Variants in GABRB1 observed in about 807,000 individuals in gnomAD.
GABRB1 encodes gamma-aminobutyric acid receptor subunit beta-1.
GABRB1 carries 17 observed loss-of-function variants against 51.6 expected under a neutral mutation model. That is an observed-to-expected ratio of 0.33 (90% CI 0.23 to 0.49). GABRB1 has a LOEUF of 0.49. Ranked by LOEUF, GABRB1 falls within the 20% of genes least tolerant of loss-of-function variation. The probability of loss-of-function intolerance (pLI) is 0.99; values close to 1 mark genes in which losing one functional copy is unlikely to be tolerated. For missense variants in GABRB1, 410 were observed against 600.6 expected, an observed-to-expected ratio of 0.68 and a Z score of 3.32; for synonymous variants, 247 against 218.9, an observed-to-expected ratio of 1.13 and a Z score of -1.14.
At chr4:47,195,332 A>G (rs1157926004) in intron 4 of GABRB1, among the ~76,000 whole-genome samples, 1 of 151,986 alleles carries the variant, frequency 6.6e-6, no homozygotes, top group Non-Finnish European at 1.5e-5. Flanking sequence ...ATGCCACTGC[A>G]CTCCAGCCTG....
intron 5 of GABRB1, among the ~76,000 whole-genome samples, chr4:47,322,908 G>T (rs748260712): frequency 2.0e-5 from 3 of 152,144 alleles, no homozygotes; most frequent in Admixed American, 6.5e-5. Flanking sequence ...GGCAGAGGTT[G>T]CAGTGAGCTG....
At chr4:47,338,844 A>G (rs1278962051) in intron 5 of GABRB1, among the ~76,000 whole-genome samples, 1 of 152,184 alleles carries the variant, frequency 6.6e-6, no homozygotes, top group African/African-American at 2.4e-5. Context: ...CCTCATACAC[A>G]ATTCTAGATA....
At chr4:47,145,355 A>C (rs1326648816) in intron 3 of GABRB1, among the ~76,000 whole-genome samples, 4 of 152,030 alleles carry the variant, frequency 2.6e-5, no homozygotes, top group Non-Finnish European at 5.9e-5. Context: ...GTGACTCCAC[A>C]CTAAACTATA....
chr4:47,356,965 T>G (rs1001748064), intron 5 of GABRB1, among the ~76,000 whole-genome samples: 9 of 152,220 alleles, frequency 5.9e-5, no homozygotes, highest in Non-Finnish European at 1.0e-4. Context: ...AGTCATTTAA[T>G]GCTATTTGCT....
chr4:47,261,327 C>T (rs1370998279), intron 4 of GABRB1, among the ~76,000 whole-genome samples: 2 of 152,176 alleles, frequency 1.3e-5, no homozygotes, highest in Non-Finnish European at 1.5e-5. Context: ...TCTCCTTAAC[C>T]TGATAAGCAA....
At chr4:47,031,501 G>A (rs932747794), upstream of GABRB1, 3 of 654,908 alleles carry the variant, frequency 4.6e-6, no homozygotes, top group African/African-American at 1.8e-5. Flanking sequence ...TGTTCCACTA[G>A]GAATATTGTT....
chr4:47,396,346 C>G (rs778360270), intron 5 of GABRB1, among the ~76,000 whole-genome samples: 1 of 152,154 alleles, frequency 6.6e-6, no homozygotes, highest in Non-Finnish European at 1.5e-5. Context: ...CCCACCAGGT[C>G]CCTCCCACAA....
At chr4:47,199,374 T>C (rs1411266608) in intron 4 of GABRB1, among the ~76,000 whole-genome samples, 1 of 152,086 alleles carries the variant, frequency 6.6e-6, no homozygotes, top group Non-Finnish European at 1.5e-5. Context: ...TTTTTGAATA[T>C]ATGAAATGTA....
intron 4 of GABRB1, among the ~76,000 whole-genome samples, chr4:47,205,383 A>G (rs1202437761): frequency 2.0e-5 from 3 of 152,190 alleles, no homozygotes; most frequent in Non-Finnish European, 4.4e-5. Flanking sequence ...ATGTCAATTA[A>G]TAAAATATGC....
intron 4 of GABRB1, among the ~76,000 whole-genome samples, chr4:47,291,246 G>T (rs954818262): frequency 1.3e-5 from 2 of 152,202 alleles, no homozygotes; most frequent in Admixed American, 6.5e-5. Context: ...GGCCTTGGCA[G>T]CTTCCATGTG....
intron 3 of GABRB1, among the ~76,000 whole-genome samples, chr4:47,124,827 A>G (rs184798123): frequency 6.6e-6 from 1 of 152,148 alleles, no homozygotes; most frequent in African/African-American, 2.4e-5. Flanking sequence ...AGGAAAGAAA[A>G]TGAAAAGGAG....
chr4:47,201,598 T>G (rs1381367805), intron 4 of GABRB1, among the ~76,000 whole-genome samples: 1 of 152,176 alleles, frequency 6.6e-6, no homozygotes, highest in Non-Finnish European at 1.5e-5. Flanking sequence ...CACAGCTAGA[T>G]ACAGCAGTAT....
At chr4:47,383,988 T>G (rs1727684557) in intron 5 of GABRB1, among the ~76,000 whole-genome samples, 1 of 152,148 alleles carries the variant, frequency 6.6e-6, no homozygotes, top group African/African-American at 2.4e-5. Context: ...CTTCACAGTA[T>G]CATGTCGCTG....
intron 4 of GABRB1, among the ~76,000 whole-genome samples, chr4:47,235,997 G>GT (rs965532802): frequency 6.6e-6 from 1 of 151,512 alleles, no homozygotes; most frequent in Non-Finnish European, 1.5e-5. Flanking sequence ...ACCATCCTAG[G>GT]TTTTTTTTCT....
chr4:47,189,608 CT>C (rs1719344769), intron 4 of GABRB1, among the ~76,000 whole-genome samples: 1 of 151,830 alleles, frequency 6.6e-6, no homozygotes, highest in Non-Finnish European at 1.5e-5. Flanking sequence ...GATTGAGTCC[CT>C]GCATTTATGG....
At chr4:47,399,127 TA>T (rs1289777241) in intron 5 of GABRB1, among the ~76,000 whole-genome samples, 1 of 152,204 alleles carries the variant, frequency 6.6e-6, no homozygotes, top group Non-Finnish European at 1.5e-5. Context: ...TTTGCTTTGT[TA>T]AAAGAGAACT....
At position 47,006,934 on chromosome 4, in the gene GABRB1, C is replaced by T. The variant is rs554727342; in HGVS notation, c.-20+13008C>T. ...CTTTGGGAGGCTGAGGCAGGTGGAT[C>T]GCTAGAGCTCAGGAGTTTGAGACCA... On this transcript the variant is annotated intron_variant, in intron 1 of 3. Coordinates refer to the GABRB1 transcript ENST00000513567. 4.9e-4 allele frequency among the ~76,000 whole-genome samples: 74 copies of T among 152,142 alleles called. 1 individual carries two copies. Among genetic ancestry groups the T allele is most frequent in the Non-Finnish European group, 8.2e-4 (56 of 67,980 alleles).
intron 3 of GABRB1, among the ~76,000 whole-genome samples, chr4:47,123,844 ATATAT>A (rs1213046277): frequency 4.7e-5 from 4 of 84,986 alleles, no homozygotes; most frequent in African/African-American, 1.9e-4. Context: ...ATTATATTAT[ATATAT>A]TATATCATAT....
intron 4 of GABRB1, among the ~76,000 whole-genome samples, chr4:47,258,647 A>G (rs2109874026): frequency 6.6e-6 from 1 of 152,326 alleles, no homozygotes; most frequent in East Asian, 1.9e-4. Flanking sequence ...AAGAATGACA[A>G]TGTATTAGTC....
Sources: allele counts gnomAD v4.1 joint callset (sites outside exome capture counted in the v4.1 genomes callset), GRCh38; gene constraint gnomAD v4.1.1; transcripts MANE v1.5; gene names NCBI Gene and HGNC (gene_info 2026-07-23, HGNC 2026-07-21).